Variants in FMOD observed in about 807,000 individuals in gnomAD.
FMOD encodes the protein KSPG fibromodulin.
In FMOD, 15 loss-of-function variants were observed where a neutral mutation model predicts 27.0. That is an observed-to-expected ratio of 0.55 (90% CI 0.37 to 0.85). The LOEUF is 0.85. FMOD is among the 40% of genes least tolerant of loss of function. The pLI, the probability that FMOD is intolerant of heterozygous loss-of-function variation, is 0.00. For synonymous variants in FMOD, 210 were observed against 214.0 expected (o/e 0.98, Z 0.16); for missense variants, 460 against 483.2 (o/e 0.95, Z 0.45).
At chr1:203,350,381 C>T (rs6697081) in intron 1 of FMOD, among the ~76,000 whole-genome samples, 140,764 of 152,000 alleles carry the variant, frequency 0.93, 66,137 homozygotes, top group East Asian at 1. Context: ...ACACTATCAG[C>T]TGGGGGAAGT....
rs1377460558 is a variant in FMOD at position 203,347,649 on chromosome 1, G to A, written c.622C>T (p.Gln208Ter). ...CCCACTTCCTGGATCTCATTGTGTT[G>A]GAGGTACAAGGCCGTGAGGTTCTCC... ...GLENLTALYL[Q>*]HNEIQEVGSS... Residue 208 changes from glutamine to a stop codon, truncating the protein, a stop_gained, in exon 2 of 3, where the codon CAA (glutamine) becomes TAA (stop). Coordinates refer to ENST00000354955, the MANE Select transcript of FMOD (RefSeq NM_002023.5). LOFTEE classifies it high-confidence loss of function. 2 of 1,614,208 alleles carry A rather than the reference G, an allele frequency of 1.2e-6. No homozygotes were observed. Among genetic ancestry groups the A allele is most frequent in the East Asian group, 4.5e-5 (2 of 44,888 alleles).
At chr1:203,344,102 G>C (rs192405730) in intron 2 of FMOD, among the ~76,000 whole-genome samples, 1 of 152,320 alleles carries the variant, frequency 6.6e-6, no homozygotes. Context: ...AGTGGCCTCT[G>C]AGTGAGCAGG....
chr1:203,350,722 A>G (rs1658983405), intron 1 of FMOD, among the ~76,000 whole-genome samples: 1 of 152,200 alleles, frequency 6.6e-6, no homozygotes, highest in Non-Finnish European at 1.5e-5. Flanking sequence ...CCACACTCCC[A>G]GCATGATGGG....
At chr1:203,350,251 C>T (rs1658967281) in intron 1 of FMOD, among the ~76,000 whole-genome samples, 1 of 152,196 alleles carries the variant, frequency 6.6e-6, no homozygotes, top group Admixed American at 6.5e-5. Context: ...CCTCTCCTTA[C>T]CCCATCCCAT....
intron 2 of FMOD, among the ~76,000 whole-genome samples, chr1:203,343,363 T>A (rs1658829795): frequency 6.6e-6 from 1 of 152,198 alleles, no homozygotes; most frequent in South Asian, 2.1e-4. Flanking sequence ...CCACTCTGTC[T>A]CCAGTCTACT....
At chr1:203,344,034 G>C (rs1658844100) in intron 2 of FMOD, among the ~76,000 whole-genome samples, 1 of 152,132 alleles carries the variant, frequency 6.6e-6, no homozygotes, top group Non-Finnish European at 1.5e-5. Context: ...ACTCCTGGTG[G>C]GGTAGAATTT....
At position 203,347,731 on chromosome 1, in the gene FMOD, C is replaced by T. The variant is rs756327835; in HGVS notation, c.540G>A (p.Glu180=). The T allele has an allele frequency of 8.7e-6, 14 of 1,613,846 alleles. No individual in the cohort carries two copies. Among genetic ancestry groups the T allele is most frequent in the Non-Finnish European group, 1.2e-5 (14 of 1,180,024 alleles). The part of the protein sequence containing the change: ...MPGPLPRSLR[E]LHLDHNQISR... Reference sequence around the variant, plus strand: ...AGATCTGGTTGTGGTCGAGATGGAGCTCTCTCAGGGATCGAGGCAGGGGAC... The same window carrying T: ...AGATCTGGTTGTGGTCGAGATGGAGTTCTCTCAGGGATCGAGGCAGGGGAC... Residue 180 remains glutamate (E), a synonymous_variant, in exon 2 of 3, where the codon GAG becomes GAA. Coordinates refer to ENST00000354955, the MANE Select transcript of FMOD (RefSeq NM_002023.5).
chr1:203,348,341 C>T, intron 1 of FMOD, 64 bp from the exon 2 acceptor site: 1 of 1,526,558 alleles, frequency 6.6e-7, no homozygotes, highest in Non-Finnish European at 8.9e-7. Context: ...GGCAGTGAGG[C>T]AGAGTAGGCA....
chr1:203,344,275 C>T (rs569118604), intron 2 of FMOD, among the ~76,000 whole-genome samples: 24 of 152,208 alleles, frequency 1.6e-4, no homozygotes, highest in African/African-American at 3.1e-4. Flanking sequence ...AGCCTGGAGC[C>T]CTCAGACTGC....
intron 1 of FMOD, among the ~76,000 whole-genome samples, chr1:203,349,800 C>T (rs1243034697): frequency 6.6e-6 from 1 of 152,196 alleles, no homozygotes; most frequent in Non-Finnish European, 1.5e-5. Context: ...CTCTCTGTCC[C>T]CTCAAAACAG....
intron 2 of FMOD, 57 bp downstream of exon 2, chr1:203,347,235 A>G (rs939993169): frequency 1.3e-6 from 2 of 1,538,506 alleles, no homozygotes; most frequent in Middle Eastern, 1.8e-4. Context: ...CACTCAGAAT[A>G]GTGTCTTTCA....
At chr1:203,343,844 G>GT (rs1658841824) in intron 2 of FMOD, among the ~76,000 whole-genome samples, 1 of 152,196 alleles carries the variant, frequency 6.6e-6, no homozygotes, top group East Asian at 1.9e-4. Context: ...TGAAAAAAGT[G>GT]TTTTTAAATT....
Position 203,341,293 on chromosome 1 carries a change from G to C in FMOD, c.*1050C>G, listed in dbSNP as rs1385922539. On this transcript the variant is annotated 3_prime_UTR_variant, in exon 3 of 3. Transcript: ENST00000354955. ...GCAAGTCCAGGGCTGCCTGGAGTCT[G>C]TCTCTACCATCAGGATATAGAATCT... 4 of 152,228 alleles carry C rather than the reference G, an allele frequency of 2.6e-5. No individual in the cohort carries two copies. The highest frequency in any genetic ancestry group is 9.6e-5 in the African/African-American group (4 of 41,462). 9.4% of individuals were successfully genotyped at this position (152,228 alleles called of 1,614,324 possible). A position where few individuals can be genotyped will look rare whatever the true frequency, so the allele number is the denominator to read the frequency against.
In FMOD at chr1:203,341,308, A is replaced by G. The variant is rs1658791190; in HGVS notation, c.*1035T>C. On this transcript the variant is annotated 3_prime_UTR_variant, in exon 3 of 3. Coordinates refer to ENST00000354955, the MANE Select transcript of FMOD (RefSeq NM_002023.5). ...CCTGGAGTCTGTCTCTACCATCAGG[A>G]TATAGAATCTTCCTGCTTGGATAAA... 3 of 152,304 alleles carry G rather than the reference A, an allele frequency of 2.0e-5. No homozygotes were observed. The South Asian group carries it at 6.2e-4, about 32-fold the overall frequency. 9.4% of individuals were successfully genotyped at this position (152,304 alleles called of 1,614,324 possible).
chr1:203,349,506 G>A (rs974143690), intron 1 of FMOD, among the ~76,000 whole-genome samples: 3 of 152,166 alleles, frequency 2.0e-5, no homozygotes, highest in Non-Finnish European at 2.9e-5. Flanking sequence ...GGTGGCCTGG[G>A]TACCCTACCC....
At position 203,342,223 on chromosome 1, in the gene FMOD, A is replaced by G. The variant is rs917872318; in HGVS notation, c.*120T>C. On this transcript the variant is annotated 3_prime_UTR_variant, in exon 3 of 3. Coordinates refer to ENST00000354955, the MANE Select transcript of FMOD (RefSeq NM_002023.5). ...CCCCACCTACAGGAAAGAAGACTAC[A>G]GAGGGTGCCCGTGGACTTCTGTCAC... The G allele has an allele frequency of 2.1e-5, 27 of 1,283,096 alleles. No individual in the cohort carries two copies. The highest frequency in any genetic ancestry group is 2.9e-5 in the Non-Finnish European group (27 of 936,606). The allele number at this position is 1,283,096 out of a possible 1,614,324, so 79.5% of individuals were successfully genotyped here. A position where few individuals can be genotyped will look rare whatever the true frequency, so the allele number is the denominator to read the frequency against.
rs1477621078 is a variant in FMOD at position 203,341,413 on chromosome 1, C to G, written c.*930G>C. The stretch of plus-strand genomic sequence containing the variant: ...TGTGGATAAAAACCCAGGTAGGATG[C>G]TGTTTGGAATGCAGAAAGTGCTGGG... On this transcript the variant is annotated 3_prime_UTR_variant, in exon 3 of 3. Transcript: ENST00000354955. The G allele has an allele frequency of 1.3e-5, 2 of 152,200 alleles. No individual in the cohort carries two copies. The highest frequency in any genetic ancestry group is 2.9e-5 in the Non-Finnish European group (2 of 68,060). 9.4% of individuals were successfully genotyped at this position (152,200 alleles called of 1,614,324 possible). A position where few individuals can be genotyped will look rare whatever the true frequency, so the allele number is the denominator to read the frequency against.
chr1:203,344,927 A>T (rs1485893569), intron 2 of FMOD, among the ~76,000 whole-genome samples: 1 of 152,090 alleles, frequency 6.6e-6, no homozygotes, highest in African/African-American at 2.4e-5. Flanking sequence ...AGATGGCTTT[A>T]CCTTCTCTGT....
chr1:203,350,243 T>C (rs565212741), intron 1 of FMOD, among the ~76,000 whole-genome samples: 1 of 152,280 alleles, frequency 6.6e-6, no homozygotes, highest in East Asian at 1.9e-4. Flanking sequence ...AGCTTATGCC[T>C]CTCCTTACCC....
Sources: allele counts gnomAD v4.1 joint callset (sites outside exome capture counted in the v4.1 genomes callset), GRCh38; gene constraint gnomAD v4.1.1; transcripts MANE v1.5; gene names NCBI Gene and HGNC (gene_info 2026-07-23, HGNC 2026-07-21).